DCDC1: variants seen among roughly 807,000 people sequenced by gnomAD.
DCDC1 encodes doublecortin domain containing 1, also known as doublecortin domain-containing protein 1.
In DCDC1, 200 loss-of-function variants were observed where a neutral mutation model predicts 178.3. The ratio of observed to expected loss-of-function variants is 1.12; its 90% CI spans 1.00 to 1.26. The LOEUF (loss-of-function observed/expected upper bound fraction) is 1.26, where lower values mean the gene tolerates loss of function less well. Ranked by LOEUF, DCDC1 falls within the 50% of genes most tolerant of loss-of-function variation. The probability of loss-of-function intolerance (pLI) is 0.00; values close to 1 mark genes in which losing one functional copy is unlikely to be tolerated. For synonymous variants in DCDC1, 690 were observed against 604.8 expected (o/e 1.14, Z -2.07); for missense variants, 1,983 against 1,749.2 (o/e 1.13, Z -2.38).
At chr11:31,032,934 C>T (rs1277204440) in intron 20 of DCDC1, among the ~76,000 whole-genome samples, 1 of 152,010 alleles carries the variant, frequency 6.6e-6, no homozygotes, top group Non-Finnish European at 1.5e-5. Context: ...TAAAAGATAG[C>T]GGCGCCTGCT....
chr11:30,961,803 A>G (rs546972227), intron 20 of DCDC1, among the ~76,000 whole-genome samples: 8 of 152,088 alleles, frequency 5.3e-5, no homozygotes, highest in Non-Finnish European at 8.8e-5. Context: ...AATAGTAATA[A>G]TGACTTACTT....
chr11:31,355,807 G>T (rs955747239), intron 1 of DCDC1, among the ~76,000 whole-genome samples: 12 of 152,074 alleles, frequency 7.9e-5, no homozygotes, highest in Admixed American at 6.5e-5. Flanking sequence ...GACCTCAAGT[G>T]ATCTGCCTGC....
chr11:31,271,131 G>T (rs527705824), intron 7 of DCDC1, among the ~76,000 whole-genome samples: 2 of 152,154 alleles, frequency 1.3e-5, no homozygotes, highest in Admixed American at 1.3e-4. Flanking sequence ...TTCAGCAGAT[G>T]ACATGATCTC....
chr11:30,880,363 A>C (rs538101388), intron 37 of DCDC1, among the ~76,000 whole-genome samples: 2 of 152,330 alleles, frequency 1.3e-5, no homozygotes, highest in African/African-American at 4.8e-5. Context: ...CTCCATTTCT[A>C]TCCTTTTGTC....
intron 8 of DCDC1, among the ~76,000 whole-genome samples, chr11:31,265,237 T>C (rs528119542): frequency 1.3e-5 from 2 of 152,280 alleles, no homozygotes; most frequent in South Asian, 2.1e-4. Flanking sequence ...TGTTACGTTA[T>C]AAAAATGTAT....
chr11:30,939,084 T>C lies in DCDC1; in HGVS notation c.2716-7132A>G, dbSNP rs566156055. Among the ~76,000 whole-genome samples the C allele has an allele frequency of 7.9e-5, 12 of 152,270 alleles. No individual in the cohort carries two copies. In the East Asian group the frequency reaches 1.9e-3, roughly 25 times the overall value. On this transcript the variant is annotated intron_variant, in intron 21 of 38. Coordinates refer to ENST00000684477, the MANE Select transcript of DCDC1 (RefSeq NM_001387274.1). ...ATCTAGGATACATCTCAGACACACA[T>C]ACTCGACCTCTGAAAATGCCCAACT...
Position 31,173,737 on chromosome 11 carries a change from T to TAC in DCDC1, c.1222-35955_1222-35954dup, listed in dbSNP as rs918588663. ...TTCCCCATGTTCCTCTTCACACACTTACACACACACACACACACACAAACA... is the reference window on the plus strand; with the variant it reads ...TTCCCCATGTTCCTCTTCACACACTTACACACACACACACACACACACAAACA... On this transcript the variant is annotated intron_variant, in intron 9 of 38. Coordinates refer to ENST00000684477, the MANE Select transcript of DCDC1 (RefSeq NM_001387274.1). Among the ~76,000 whole-genome samples the TAC allele has an allele frequency of 5.1e-3, 608 of 118,752 alleles. 4 individuals carry two copies. The highest frequency in any genetic ancestry group is 0.013 in the African/African-American group (440 of 33,374). The allele number at this position is 118,752 out of a possible 152,430, so 77.9% of individuals were successfully genotyped here.
chr11:31,179,554 G>A (rs1344828558), intron 9 of DCDC1, among the ~76,000 whole-genome samples: 1 of 152,192 alleles, frequency 6.6e-6, no homozygotes, highest in Non-Finnish European at 1.5e-5. Context: ...ATCATGTTAA[G>A]TGAAATAAGC....
In DCDC1 at chr11:31,368,942, A is replaced by ACAC. The variant is rs534970534; in HGVS notation, c.-125+752_-125+754dup. Among the ~76,000 whole-genome samples the ACAC allele has an allele frequency of 1.3e-3, 200 of 151,712 alleles. 1 individual carries two copies. Among genetic ancestry groups the ACAC allele is most frequent in the Middle Eastern group, 3.4e-3 (1 of 294 alleles). ...GGGAGAAGAAAGAAAGGTGAGAAAAACACCACCACCACCACCACCACCACC... is the reference window on the plus strand; with the variant it reads ...GGGAGAAGAAAGAAAGGTGAGAAAAACACCACCACCACCACCACCACCACCACC... On this transcript the variant is annotated intron_variant, in intron 1 of 38. Transcript: ENST00000684477.
chr11:31,090,724 A>G (rs1237847174), intron 17 of DCDC1, among the ~76,000 whole-genome samples: 2 of 152,206 alleles, frequency 1.3e-5, no homozygotes, highest in African/African-American at 4.8e-5. Flanking sequence ...CAGCCTAAGC[A>G]TATCCTAAGT....
At chr11:30,870,803 A>C (rs1220303504) in intron 38 of DCDC1, among the ~76,000 whole-genome samples, 1 of 152,204 alleles carries the variant, frequency 6.6e-6, no homozygotes, top group Non-Finnish European at 1.5e-5. Flanking sequence ...CACCCCACCA[A>C]AGTCAGTTTT....
At chr11:31,097,371 C>T (rs1166127272) in intron 15 of DCDC1, among the ~76,000 whole-genome samples, 3 of 152,172 alleles carry the variant, frequency 2.0e-5, no homozygotes, top group African/African-American at 7.2e-5. Context: ...GCACAACCCT[C>T]ATTTGAACAA....
intron 20 of DCDC1, among the ~76,000 whole-genome samples, chr11:31,016,250 T>C (rs1365450634): frequency 6.6e-6 from 1 of 152,196 alleles, no homozygotes; most frequent in Non-Finnish European, 1.5e-5. Context: ...TTCTTTTAAA[T>C]TGCTTAAATT....
chr11:31,369,593 G>T (rs1396436983), intron 1 of DCDC1, 104 bp downstream of exon 1: 1 of 152,840 alleles, frequency 6.5e-6, no homozygotes, highest in African/African-American at 2.4e-5. Flanking sequence ...GATGGCGAGG[G>T]GGTGCTCGCT....
chr11:31,289,758 T>A (rs1040216735), intron 7 of DCDC1, among the ~76,000 whole-genome samples: 1 of 152,032 alleles, frequency 6.6e-6, no homozygotes, highest in Non-Finnish European at 1.5e-5. Context: ...CATTAAATCC[T>A]CACAGCAACT....
chr11:31,224,440 A>G (rs1974662982), intron 9 of DCDC1, among the ~76,000 whole-genome samples: 2 of 152,078 alleles, frequency 1.3e-5, no homozygotes, highest in Admixed American at 1.3e-4. Flanking sequence ...ACTCTTCTAG[A>G]CATTGATATG....
intron 9 of DCDC1, among the ~76,000 whole-genome samples, chr11:31,204,160 G>T (rs471211): frequency 6.6e-6 from 1 of 151,966 alleles, no homozygotes; most frequent in South Asian, 2.1e-4. Flanking sequence ...TATGAGTACT[G>T]TGAGCCAACC....
chr11:31,162,141 CTA>C (rs1016375129), intron 9 of DCDC1, among the ~76,000 whole-genome samples: 14 of 152,198 alleles, frequency 9.2e-5, no homozygotes, highest in Admixed American at 9.2e-4. Flanking sequence ...AGTAAAGAAA[CTA>C]TGCATAATTT....
chr11:31,361,772 C>T (rs990138734), intron 1 of DCDC1, among the ~76,000 whole-genome samples: 1 of 152,192 alleles, frequency 6.6e-6, no homozygotes, highest in Non-Finnish European at 1.5e-5. Flanking sequence ...TGAGCCAGCG[C>T]ACCCAGCCCC....
Sources: gnomAD v4.1 joint callset for allele counts (sites outside exome capture counted in the v4.1 genomes callset) on GRCh38, gnomAD v4.1.1 for gene constraint, MANE v1.5 for transcripts, NCBI Gene and HGNC (gene_info 2026-07-23, HGNC 2026-07-21) for gene names.